The following ZNF768 variants were observed in gnomAD, a reference collection of about 807,000 sequenced individuals.
The protein encoded by ZNF768 is zinc finger protein 768.
In ZNF768, 12 loss-of-function variants were observed where a neutral mutation model predicts 39.7. The ratio of observed to expected loss-of-function variants is 0.30; its 90% CI spans 0.19 to 0.49. ZNF768 has a LOEUF of 0.49. Ranked by LOEUF, ZNF768 falls within the 20% of genes least tolerant of loss-of-function variation. ZNF768 has a pLI of 0.99. For synonymous variants in ZNF768, 360 were observed against 288.4 expected (o/e 1.25, Z -2.52); for missense variants, 613 against 723.2 (o/e 0.85, Z 1.75).
chr16:30,524,513 C>G lies in ZNF768; in HGVS notation c.*4G>C, dbSNP rs1361811852. 6.2e-7 allele frequency: 1 copy of G among 1,602,698 alleles called. No individual in the cohort carries two copies. The highest frequency in any genetic ancestry group is 1.7e-5 in the Admixed American group (1 of 59,614). ...ACACCTCCCACCCCTGCTGGGGCCC[C>G]AGGTCAGCGCCGGCCCGCCGCGTGG... On this transcript the variant is annotated 3_prime_UTR_variant, in exon 2 of 2. Transcript: ENST00000380412.
chr16:30,527,304 G>C, upstream of ZNF768: 2 of 985,952 alleles, frequency 2.0e-6, no homozygotes, highest in Non-Finnish European at 1.2e-6. Flanking sequence ...CCCCCACCCA[G>C]CTCGGCTCCC....
In ZNF768 at chr16:30,526,039, T is replaced by C; in HGVS notation, c.101A>G (p.Glu34Gly). ...CTGAGAAATTTCCTCTTCCTCATTC[T>C]CACTCATGTTGCCTGCAGGATGAGA... The part of the protein sequence containing the change: ...PEGYLRGNMS[E>G]NEEEEISQQE... Residue 34 changes from glutamate (E) to glycine (G), a missense_variant, in exon 2 of 2, where the codon GAG becomes GGG. Coordinates refer to ENST00000380412, the MANE Select transcript of ZNF768 (RefSeq NM_024671.4). The C allele has an allele frequency of 6.7e-7, 1 of 1,497,186 alleles. No homozygotes were observed. Among genetic ancestry groups the C allele is most frequent in the Non-Finnish European group, 8.9e-7 (1 of 1,126,734 alleles). 92.7% of individuals were successfully genotyped at this position (1,497,186 alleles called of 1,614,324 possible).
Position 30,524,234 on chromosome 16 carries a change from A to T in ZNF768, c.*283T>A. ...TGCCCTCCCCCCTCCCTGCTCTAGC[A>T]GTTGCCAAGCCAGGCACCCACCAAG... On this transcript the variant is annotated 3_prime_UTR_variant, in exon 2 of 2. Coordinates refer to ENST00000380412, the MANE Select transcript of ZNF768 (RefSeq NM_024671.4). The T allele has an allele frequency of 5.2e-6, 1 of 191,050 alleles. No homozygotes were observed. The highest frequency in any genetic ancestry group is 9.6e-6 in the Non-Finnish European group (1 of 103,948). 11.8% of individuals were successfully genotyped at this position (191,050 alleles called of 1,614,324 possible).
upstream of ZNF768, chr16:30,526,577 C>G (rs1013306286): frequency 9.6e-7 from 1 of 1,036,886 alleles, no homozygotes; most frequent in African/African-American, 1.7e-5. Flanking sequence ...TGACCCCGCG[C>G]CTCTCCAGCG....
chr16:30,526,918 G>C, upstream of ZNF768: 3 of 985,522 alleles, frequency 3.0e-6, no homozygotes, highest in Non-Finnish European at 3.6e-6. Context: ...TGGGCTGGAG[G>C]GGCCCGGCCA....
upstream of ZNF768, chr16:30,528,100 G>A (rs1400260881): frequency 1.3e-5 from 2 of 152,162 alleles, no homozygotes; most frequent in Non-Finnish European, 2.9e-5. Context: ...ATGCCCCTGT[G>A]TGAGCAGGAG....
chr16:30,532,380 C>A, the ZNF768 span: 54 of 1,186,012 alleles, frequency 4.6e-5, no homozygotes, highest in Non-Finnish European at 6.2e-5. Context: ...AGACTGTCCG[C>A]ACCCCAGGCC....
upstream of ZNF768, chr16:30,527,315 C>T (rs898019080): frequency 1.0e-6 from 1 of 985,378 alleles, no homozygotes; most frequent in Non-Finnish European, 1.2e-6. Context: ...CTCGGCTCCC[C>T]TGATCCTCCT....
chr16:30,526,316 C>A lies in ZNF768; in HGVS notation c.88+10G>T. ...CAAGTCCACTCCTCGGACGGGCGCT[C>A]CCTCCTCACCTCTGAGGTACCCTTC... On this transcript the variant is annotated intron_variant, in intron 1 of 1. Coordinates refer to ENST00000380412, the MANE Select transcript of ZNF768 (RefSeq NM_024671.4). 5.0e-6 allele frequency: 8 copies of A among 1,608,464 alleles called. No homozygotes were observed. The highest frequency in any genetic ancestry group is 5.1e-6 in the Non-Finnish European group (6 of 1,177,720).
At position 30,524,430 on chromosome 16, in the gene ZNF768, C is replaced by T. The variant is rs2051300488; in HGVS notation, c.*87G>A. The T allele has an allele frequency of 6.7e-7, 1 of 1,503,412 alleles. No individual in the cohort carries two copies. Among genetic ancestry groups the T allele is most frequent in the Non-Finnish European group, 8.8e-7 (1 of 1,135,482 alleles). 93.1% of individuals were successfully genotyped at this position (1,503,412 alleles called of 1,614,324 possible). On this transcript the variant is annotated 3_prime_UTR_variant, in exon 2 of 2. Transcript: ENST00000380412. ...CCTCAGCTCCTCCATTCTCCTGCGG[C>T]TTCTCCACTATCCTCCCTAAAGGTT... is the stretch of plus-strand genomic sequence containing the variant.
At chr16:30,528,969 T>C (rs543150958), upstream of ZNF768, among the ~76,000 whole-genome samples, 17 of 152,196 alleles carry the variant, frequency 1.1e-4, no homozygotes, top group Non-Finnish European at 2.1e-4. Context: ...TGCACTCTTA[T>C]CATGAGCCAC....
At chr16:30,527,440 C>T (rs941692850), upstream of ZNF768, 2 of 526,446 alleles carry the variant, frequency 3.8e-6, no homozygotes, top group East Asian at 1.5e-4. Flanking sequence ...CGATGGGGCT[C>T]GTGCTCTAGC....
Position 30,525,060 on chromosome 16 carries a change from G to A in ZNF768, c.1080C>T (p.Leu360=), listed in dbSNP as rs781291517. 11 of 1,614,004 alleles carry A rather than the reference G, an allele frequency of 6.8e-6. No individual in the cohort carries two copies. In the East Asian group the frequency reaches 1.3e-4, roughly 20 times the overall value. ...GGCTGTGGGTGCGCTGGTGTCGCAG[G>A]AGGTAGGAGCTGTCGCCGAAGGCCT... The part of the protein sequence containing the change: ...CGKAFGDSSY[L]LRHQRTHSHE... Residue 360 remains leucine, a synonymous_variant, in exon 2 of 2, where the codon CTC becomes CTT. Coordinates refer to ENST00000380412, the MANE Select transcript of ZNF768 (RefSeq NM_024671.4).
rs1315613123 is a variant in ZNF768 at position 30,525,463 on chromosome 16, G to A, written c.677C>T (p.Thr226Ile). The A allele has an allele frequency of 2.5e-6, 4 of 1,614,046 alleles. No individual in the cohort carries two copies. The African/African-American group carries it at 4.0e-5, about 16-fold the overall frequency. Reference sequence around the variant, plus strand: ...ATTCTGAAGCATCTCAAACTGCGGTGTAGACAGCAGGGCCCCTGTGGGCAT... The same window carrying A: ...ATTCTGAAGCATCTCAAACTGCGGTATAGACAGCAGGGCCCCTGTGGGCAT... ...FEMPTGALLS[T>I]PQFEMLQNPL... The change falls in exon 2 of 2, where the codon ACA becomes ATA. Residue 226 changes from threonine to isoleucine, a missense_variant. By Grantham distance (89) the Thr-to-Ile change is moderately conservative. Around this residue, in one of 4 missense-constraint regions of ZNF768, gnomAD observed 347 missense variants for 326.1 expected, o/e 1.06. Coordinates refer to ENST00000380412, the MANE Select transcript of ZNF768 (RefSeq NM_024671.4).
chr16:30,525,930 T>A lies in ZNF768; in HGVS notation c.210A>T (p.Pro70=), dbSNP rs966318726. ...PQSPGFEPQS[P]EFEPQSPRFE... is the part of the protein sequence containing the mutation. The stretch of plus-strand genomic sequence containing the variant: ...ATCTGGGGCTTTGGGGTTCAAACTC[T>A]GGGCTTTGTGGCTCAAACCCAGGGC... Residue 70 remains proline (P), a synonymous_variant, in exon 2 of 2, where the codon CCA becomes CCT. Transcript: ENST00000380412. 2.6e-6 allele frequency: 4 copies of A among 1,515,104 alleles called. No individual in the cohort carries two copies. In the East Asian group the frequency reaches 9.1e-5, roughly 35 times the overall value. The allele number at this position is 1,515,104 out of a possible 1,614,324, so 93.9% of individuals were successfully genotyped here.
upstream of ZNF768, chr16:30,527,221 G>T (rs2151216047): frequency 3.0e-6 from 3 of 985,530 alleles, no homozygotes; most frequent in Non-Finnish European, 3.6e-6. Flanking sequence ...CCTCGCCGAG[G>T]TCCTTGAGCC....
chr16:30,525,535 A>G lies in ZNF768; in HGVS notation c.605T>C (p.Phe202Ser). Reference protein sequence around the residue: ...VHPLDSFTQGFGEQPTGDLPI... With the variant: ...VHPLDSFTQGSGEQPTGDLPI... Reference sequence around the variant, plus strand: ...CAGGTCCCCTGTGGGCTGCTCCCCAAACCCCTGAGTGAAGGAGTCCAGGGG... The same window carrying G: ...CAGGTCCCCTGTGGGCTGCTCCCCAGACCCCTGAGTGAAGGAGTCCAGGGG... Residue 202 changes from phenylalanine to serine, a missense_variant, in exon 2 of 2, where the codon TTT (phenylalanine) becomes TCT (serine). Physicochemically the swap from Phe to Ser is radical, Grantham distance 155 (BLOSUM62 -2). This residue lies in a region of ZNF768 where 347 missense variants were observed against 326.1 expected (regional missense o/e 1.06). Transcript: ENST00000380412. 1 of 1,614,206 alleles carries G rather than the reference A, an allele frequency of 6.2e-7. No individual in the cohort carries two copies. The highest frequency in any genetic ancestry group is 8.5e-7 in the Non-Finnish European group (1 of 1,180,014).
Position 30,526,491 on chromosome 16 carries a change from G to T in ZNF768, c.-78C>A. 2 of 1,274,124 alleles carry T rather than the reference G, an allele frequency of 1.6e-6. No homozygotes were observed. The highest frequency in any genetic ancestry group is 3.2e-5 in the African/African-American group (2 of 63,230). The allele number at this position is 1,274,124 out of a possible 1,614,324, so 78.9% of individuals were successfully genotyped here. On this transcript the variant is annotated 5_prime_UTR_variant, in exon 1 of 2. Coordinates refer to ENST00000380412, the MANE Select transcript of ZNF768 (RefSeq NM_024671.4). ...CCGGCCTCGGTTGCCCCGAGCCGCG[G>T]GCCCCCGCCTCCCGCCCGCTCAGCG...
chr16:30,526,028 C>G lies in ZNF768; in HGVS notation c.112G>C (p.Glu38Gln), dbSNP rs370495340. ...LRGNMSENEE[E>Q]EISQQEGSGD... ...CTGCCTTCTTGCTGAGAAATTTCCT[C>G]TTCCTCATTCTCACTCATGTTGCCT... The change falls in exon 2 of 2, where the codon GAG becomes CAG. Residue 38 changes from glutamate (E) to glutamine (Q), a missense_variant. Glu to Gln is a conservative substitution (Grantham distance 29, BLOSUM62 2). This residue lies in a region of ZNF768 where 347 missense variants were observed against 326.1 expected (regional missense o/e 1.06). Transcript: ENST00000380412. The G allele has an allele frequency of 4.7e-6, 7 of 1,496,794 alleles. No homozygotes were observed. Among genetic ancestry groups the G allele is most frequent in the Non-Finnish European group, 6.2e-6 (7 of 1,126,592 alleles). The allele number at this position is 1,496,794 out of a possible 1,614,324, so 92.7% of individuals were successfully genotyped here. A position where few individuals can be genotyped will look rare whatever the true frequency, so the allele number is the denominator to read the frequency against.
Sources: gnomAD v4.1 joint callset for allele counts (sites outside exome capture counted in the v4.1 genomes callset) on GRCh38, gnomAD v4.1.1 for gene constraint, gnomAD v4.1.1 regional missense constraint, MANE v1.5 for transcripts, NCBI Gene and HGNC (gene_info 2026-07-23, HGNC 2026-07-21) for gene names.